The following CASP8 variants were observed in gnomAD, a reference collection of about 807,000 sequenced individuals.
The protein encoded by CASP8 is caspase 8.
Under a neutral mutation model 46.3 loss-of-function variants are expected in CASP8, and 24 were observed. The ratio of observed to expected loss-of-function variants is 0.52; its 90% CI spans 0.38 to 0.73. The LOEUF (loss-of-function observed/expected upper bound fraction) is 0.73. Among genes scored for constraint, CASP8 ranks in the 30% least tolerant of loss-of-function variants. The pLI is 0.00. For missense variants in CASP8, 460 were observed against 559.0 expected (o/e 0.82, Z 1.79); for synonymous variants, 188 against 200.4 (o/e 0.94, Z 0.52).
chr2:201,284,283 C>G lies in CASP8; in HGVS notation c.803-533C>G, dbSNP rs1381818760. 2.7e-4 allele frequency among the ~76,000 whole-genome samples: 16 copies of G among 59,990 alleles called. 5 individuals carry two copies. Among genetic ancestry groups the G allele is most frequent in the Admixed American group, 1.6e-3 (12 of 7,326 alleles). The allele number at this position is 59,990 out of a possible 152,430, so 39.4% of individuals were successfully genotyped here. On this transcript the variant is annotated intron_variant, in intron 7 of 8. Transcript: ENST00000673742. ...CTCACTTCCCAGACGGCGTGGCGGCCGGGCAGAGGCTGCAATCTCGGCTCT... is the reference window on the plus strand; with the variant it reads ...CTCACTTCCCAGACGGCGTGGCGGCGGGGCAGAGGCTGCAATCTCGGCTCT...
At chr2:201,237,438 TAAAAAAAAAAA>T (rs774127508) in intron 2 of CASP8, among the ~76,000 whole-genome samples, 1 of 46,112 alleles carries the variant, frequency 2.2e-5, no homozygotes, top group Non-Finnish European at 5.2e-5. Flanking sequence ...ATCTTCAGAG[TAAAAAAAAAAA>T]AAAAAAAAGG....
rs1949572374 is a variant in CASP8 at position 201,286,603 on chromosome 2, T to G, written c.*9T>G. 6.2e-7 allele frequency: 1 copy of G among 1,610,848 alleles called. No individual in the cohort carries two copies. The highest frequency in any genetic ancestry group is 2.2e-5 in the East Asian group (1 of 44,792). On this transcript the variant is annotated 3_prime_UTR_variant, in exon 9 of 9. Coordinates refer to ENST00000673742, the MANE Select transcript of CASP8 (RefSeq NM_001372051.1). ...TCTTCCCTTCTGATTGATGGTGCTATTTTGTTTGTTTTGTTTTGTTTTGTT... is the reference window on the plus strand; with the variant it reads ...TCTTCCCTTCTGATTGATGGTGCTAGTTTGTTTGTTTTGTTTTGTTTTGTT...
chr2:201,275,088 A>G, intron 6 of CASP8, 135 bp downstream of exon 6: 1 of 698,320 alleles, frequency 1.4e-6, no homozygotes, highest in Non-Finnish European at 2.5e-6. Flanking sequence ...GAACTGTAGA[A>G]AAAATTCACA....
In CASP8 at chr2:201,285,084, T is replaced by A. The variant is rs867703753; in HGVS notation, c.1071T>A (p.Ile357=). The A allele has an allele frequency of 2.5e-6, 4 of 1,614,196 alleles. No individual in the cohort carries two copies. Among genetic ancestry groups the A allele is most frequent in the Middle Eastern group, 1.7e-4 (1 of 6,060 alleles). The change falls in exon 8 of 9, where the codon ATT becomes ATA. Residue 357 remains isoleucine (I), a synonymous_variant. Transcript: ENST00000673742. ...CTGGAAAACCCAAAGTGTTTTTTAT[T>A]CAGGCTTGTCAGGGGGATAACTACC... ...SLAGKPKVFF[I]QACQGDNYQK...
intron 7 of CASP8, among the ~76,000 whole-genome samples, chr2:201,279,888 A>C (rs1353150970): frequency 6.6e-6 from 1 of 152,052 alleles, no homozygotes; most frequent in Admixed American, 6.6e-5. Context: ...GGGAGGTGGA[A>C]GTTGCAGTGA....
upstream of CASP8, among the ~76,000 whole-genome samples, chr2:201,257,633 C>G (rs535832000): frequency 6.6e-6 from 1 of 152,344 alleles, no homozygotes; most frequent in South Asian, 2.1e-4. Context: ...GGAACTCAGC[C>G]TGAGCAGGGC....
In CASP8 at chr2:201,276,350, A is replaced by G. The variant is rs551449831; in HGVS notation, c.661-477A>G. On this transcript the variant is annotated intron_variant, in intron 6 of 8. Transcript: ENST00000673742. ...CCACACTGTGCAATGCATGAATGGGAGACCCTCAGCTGTTAGCCACGAAGC... is the reference window on the plus strand; with the variant it reads ...CCACACTGTGCAATGCATGAATGGGGGACCCTCAGCTGTTAGCCACGAAGC... 1.1e-3 allele frequency among the ~76,000 whole-genome samples: 174 copies of G among 152,344 alleles called. 1 individual carries two copies. The highest frequency in any genetic ancestry group is 1.8e-3 in the Non-Finnish European group (124 of 68,040).
chr2:201,282,936 A>G (rs1481766388), intron 7 of CASP8, among the ~76,000 whole-genome samples: 10 of 53,972 alleles, frequency 1.9e-4, no homozygotes, highest in African/African-American at 2.8e-4. Flanking sequence ...GCGGCTGGCC[A>G]GGCAGGGGGC....
chr2:201,254,060 A>T (rs1946907692), intron 2 of CASP8, among the ~76,000 whole-genome samples: 1 of 148,084 alleles, frequency 6.8e-6, no homozygotes, highest in Admixed American at 6.8e-5. Flanking sequence ...CAGCCTGGGC[A>T]ACAAGAGCAA....
chr2:201,267,870 C>G (rs558471808), intron 2 of CASP8, among the ~76,000 whole-genome samples: 5 of 152,194 alleles, frequency 3.3e-5, no homozygotes, highest in African/African-American at 7.2e-5. Context: ...CATGAATGCT[C>G]TGGTCTTTCT....
At chr2:201,270,520 C>G (rs2125220135) in intron 2 of CASP8, among the ~76,000 whole-genome samples, 1 of 152,262 alleles carries the variant, frequency 6.6e-6, no homozygotes. Context: ...GGGTACGGAC[C>G]TGGCCACTAG....
chr2:201,275,087 A>G (rs186815738), intron 6 of CASP8, 134 bp downstream of exon 6: 26 of 706,508 alleles, frequency 3.7e-5, no homozygotes, highest in African/African-American at 1.1e-4. Context: ...AGAACTGTAG[A>G]AAAAATTCAC....
rs771378462 is a variant in CASP8, at chr2:201,284,933, T to C, written c.920T>C (p.Met307Thr). Residue 307 changes from methionine to threonine, a missense_variant, in exon 8 of 9, where the codon ATG becomes ACG. Physicochemically the swap from Met to Thr is moderately conservative, Grantham distance 81. Transcript: ENST00000673742. ...KIYQLMDHSN[M>T]DCFICCILSH... is the part of the protein sequence containing the mutation. ...TACCAACTCATGGACCACAGTAACA[T>C]GGACTGCTTCATCTGCTGTATCCTC... 1.7e-5 allele frequency: 27 copies of C among 1,614,072 alleles called. No homozygotes were observed. The highest frequency in any genetic ancestry group is 2.3e-5 in the Non-Finnish European group (27 of 1,180,048).
upstream of CASP8, chr2:201,258,270 T>C: frequency 6.2e-7 from 1 of 1,614,020 alleles, no homozygotes; most frequent in Non-Finnish European, 8.5e-7. Context: ...TTATTGAAAG[T>C]AAAAGAAACT....
chr2:201,258,178 GT>G (rs920664391), upstream of CASP8: 4 of 1,586,138 alleles, frequency 2.5e-6, no homozygotes, highest in Non-Finnish European at 8.7e-7. Context: ...TATCTTTTGT[GT>G]TTTTTTTCAA....
intron 2 of CASP8, among the ~76,000 whole-genome samples, chr2:201,253,906 A>C (rs1946899173): frequency 6.6e-6 from 1 of 152,004 alleles, no homozygotes; most frequent in South Asian, 2.1e-4. Flanking sequence ...ACATGGAGAA[A>C]ACCCGTCTCT....
chr2:201,271,621 G>GGTAA lies in CASP8; in HGVS notation c.411+2_411+5dup, dbSNP rs1948252263. 6.6e-7 allele frequency: 1 copy of GGTAA among 1,516,586 alleles called. No individual in the cohort carries two copies. The highest frequency in any genetic ancestry group is 1.4e-5 in the African/African-American group (1 of 73,048). 93.9% of individuals were successfully genotyped at this position (1,516,586 alleles called of 1,614,324 possible). Reference sequence around the variant, plus strand: ...CCAAATGCAAACTGGATGATGACATGGTAAGACCTGGTATCTTACTGAGAT... The same window carrying GGTAA: ...CCAAATGCAAACTGGATGATGACATGGTAAGTAAGACCTGGTATCTTACTGAGAT... On this transcript the variant is annotated frameshift_variant and splice_region_variant. Coordinates refer to ENST00000673742, the MANE Select transcript of CASP8 (RefSeq NM_001372051.1). LOFTEE classifies it high-confidence loss of function.
At chr2:201,269,683 C>T in intron 2 of CASP8, 1 of 970,294 alleles carries the variant, frequency 1.0e-6, no homozygotes, top group Non-Finnish European at 1.6e-6. Context: ...ACTGCTTGTT[C>T]ATTATCATTG....
chr2:201,254,450 G>C (rs2125019797), intron 2 of CASP8, among the ~76,000 whole-genome samples: 1 of 152,336 alleles, frequency 6.6e-6, no homozygotes, highest in South Asian at 2.1e-4. Flanking sequence ...TCTGGAGGAG[G>C]AGTCTAGGGC....
Sources: gnomAD v4.1 joint callset for allele counts (sites outside exome capture counted in the v4.1 genomes callset) on GRCh38, gnomAD v4.1.1 for gene constraint, MANE v1.5 for transcripts, NCBI Gene and HGNC (gene_info 2026-07-23, HGNC 2026-07-21) for gene names.